The following PTPRN2 variants were observed in gnomAD, a reference collection of about 807,000 sequenced individuals.
The protein encoded by PTPRN2 is protein tyrosine phosphatase receptor type N2, also known as receptor-type tyrosine-protein phosphatase N2.
In PTPRN2, 74 loss-of-function variants were observed where a neutral mutation model predicts 118.8. The ratio of observed to expected loss-of-function variants is 0.62; its 90% CI spans 0.52 to 0.76. PTPRN2 has a LOEUF of 0.76. Among genes scored for constraint, PTPRN2 ranks in the 30% least tolerant of loss-of-function variants. The pLI is 0.00. For missense variants in PTPRN2, 1,481 were observed against 1,394.4 expected (o/e 1.06, Z -0.99); for synonymous variants, 641 against 608.0 (o/e 1.05, Z -0.80).
At chr7:158,377,580 G>A (rs999663521) in intron 2 of PTPRN2, among the ~76,000 whole-genome samples, 2 of 152,154 alleles carry the variant, frequency 1.3e-5, no homozygotes, top group Non-Finnish European at 2.9e-5. Context: ...TCGGCTTGGG[G>A]GTGGAAATGC....
chr7:157,976,224 ATCTT>A (rs1473102775), intron 11 of PTPRN2, among the ~76,000 whole-genome samples: 1 of 152,198 alleles, frequency 6.6e-6, no homozygotes, highest in Non-Finnish European at 1.5e-5. Flanking sequence ...TCAAGCTCTG[ATCTT>A]TCTTCTCTGA....
At chr7:158,332,560 T>A (rs1269154802) in intron 2 of PTPRN2, among the ~76,000 whole-genome samples, 2 of 151,442 alleles carry the variant, frequency 1.3e-5, no homozygotes, top group Non-Finnish European at 2.9e-5. Flanking sequence ...CCATAAGAGG[T>A]GACACCTGCA....
At chr7:158,067,933 C>A (rs1305043080) in intron 11 of PTPRN2, among the ~76,000 whole-genome samples, 1 of 152,138 alleles carries the variant, frequency 6.6e-6, no homozygotes, top group Non-Finnish European at 1.5e-5. Context: ...GGTGAGGCGG[C>A]AGGGTCGGGG....
At chr7:157,983,975 C>G (rs1014720007) in intron 11 of PTPRN2, among the ~76,000 whole-genome samples, 6 of 152,098 alleles carry the variant, frequency 3.9e-5, no homozygotes, top group Non-Finnish European at 1.5e-5. Context: ...GGAGCCGGCT[C>G]ACCCAGCGCC....
At position 157,737,784 on chromosome 7, in the gene PTPRN2, C is replaced by T. The variant is rs565942101; in HGVS notation, c.1789-54847G>A. On this transcript the variant is annotated intron_variant, in intron 12 of 22. Coordinates refer to ENST00000389418, the MANE Select transcript of PTPRN2 (RefSeq NM_002847.5). ...GCGCCAGCCACCAAGGCCACAAGGC[C>T]GGCTTAGAAGGTCTGGAAGAGCCTG... Among the ~76,000 whole-genome samples, 48 of 152,360 alleles carry T rather than the reference C, an allele frequency of 3.2e-4. 2 individuals are homozygous for T. Among genetic ancestry groups the T allele is most frequent in the African/African-American group, 7.9e-4 (33 of 41,596 alleles).
At position 157,801,394 on chromosome 7, in the gene PTPRN2, G is replaced by T. The variant is rs1805291903; in HGVS notation, c.1788+97279C>A. Among the ~76,000 whole-genome samples the T allele has an allele frequency of 6.6e-6, 1 of 152,146 alleles. No individual in the cohort carries two copies. Among genetic ancestry groups the T allele is most frequent in the African/African-American group, 2.4e-5 (1 of 41,406 alleles). On this transcript the variant is annotated intron_variant, in intron 12 of 22. Coordinates refer to ENST00000389418, the MANE Select transcript of PTPRN2 (RefSeq NM_002847.5). This position sits in a 1 kb window ranked among gnomAD's most constrained non-coding sequence, Gnocchi z 4.2. ...AGCTGTCGAGGTTTATTTATTCACG[G>T]AGAGGCTCTGCATCACGAGAGTGCT... is the stretch of plus-strand genomic sequence containing the variant.
rs895015989 is a variant in PTPRN2, at chr7:157,779,439, G to T, written c.1789-96502C>A. Among the ~76,000 whole-genome samples the T allele has an allele frequency of 1.3e-5, 2 of 152,110 alleles. No individual in the cohort carries two copies. The highest frequency in any genetic ancestry group is 4.8e-5 in the African/African-American group (2 of 41,432). On this transcript the variant is annotated intron_variant, in intron 12 of 22. Coordinates refer to ENST00000389418, the MANE Select transcript of PTPRN2 (RefSeq NM_002847.5). The surrounding 1 kb of genome is among the most constrained non-coding windows in gnomAD (Gnocchi z 4.7). ...AGGCTGCCAGAATGACCGCCCACCC[G>T]CTGCCCCTCACCACACACTGCTGCA...
At position 158,058,129 on chromosome 7, in the gene PTPRN2, T is replaced by C. The variant is rs114737395; in HGVS notation, c.1723+23169A>G. On this transcript the variant is annotated intron_variant, in intron 11 of 22. Coordinates refer to ENST00000389418, the MANE Select transcript of PTPRN2 (RefSeq NM_002847.5). ...ACTGCAGTAGAATCACTACACTCCA[T>C]CTGCGCACGGTGACGCATCACTGCA... 7.8e-3 allele frequency among the ~76,000 whole-genome samples: 1,189 copies of C among 152,296 alleles called. 12 individuals are homozygous for C. The highest frequency in any genetic ancestry group is 0.027 in the African/African-American group (1,134 of 41,528).
chr7:158,447,895 C>A (rs1327779089), intron 2 of PTPRN2, among the ~76,000 whole-genome samples: 1 of 152,258 alleles, frequency 6.6e-6, no homozygotes, highest in Non-Finnish European at 1.5e-5. Context: ...CGGTCTTGCC[C>A]CACCCCGGCT....
intron 10 of PTPRN2, among the ~76,000 whole-genome samples, chr7:158,085,367 C>T (rs1457982972): frequency 1.7e-5 from 2 of 115,126 alleles, no homozygotes; most frequent in East Asian, 3.0e-4. Context: ...ACACCCACGA[C>T]GCCCATCCAC....
intron 21 of PTPRN2, among the ~76,000 whole-genome samples, chr7:157,559,728 G>A (rs1019771726): frequency 3.3e-5 from 5 of 152,164 alleles, no homozygotes; most frequent in Admixed American, 2.6e-4. Context: ...ATCCCCTCCC[G>A]AATTTCCAAA....
At chr7:157,718,625 C>A (rs1161107116) in intron 12 of PTPRN2, among the ~76,000 whole-genome samples, 6 of 151,980 alleles carry the variant, frequency 3.9e-5, no homozygotes, top group East Asian at 1.9e-4. Flanking sequence ...TGCAGCCTCT[C>A]TCGGTGGCCC....
In PTPRN2 at chr7:157,540,606, GC is replaced by G. The variant is rs752769290; in HGVS notation, c.*107del. ...TGCGCTGACTACGGGAGAGCTAAGG[GC>G]CCTATTACTATGCAGTTATAATAGA... On this transcript the variant is annotated 3_prime_UTR_variant, in exon 23 of 23. Transcript: ENST00000389418. 3.5e-6 allele frequency: 3 copies of G among 867,936 alleles called. No homozygotes were observed. The highest frequency in any genetic ancestry group is 5.3e-6 in the Non-Finnish European group (3 of 563,640). The allele number at this position is 867,936 out of a possible 1,614,324, so 53.8% of individuals were successfully genotyped here.
intron 1 of PTPRN2, among the ~76,000 whole-genome samples, chr7:158,498,101 C>T (rs1394074607): frequency 1.3e-5 from 2 of 152,254 alleles, no homozygotes; most frequent in Admixed American, 1.3e-4. Context: ...GTCCTCCTCA[C>T]GTCTTTGGCT....
At chr7:157,657,933 C>G (rs1563313947) in intron 13 of PTPRN2, among the ~76,000 whole-genome samples, 1 of 139,894 alleles carries the variant, frequency 7.1e-6, no homozygotes, top group African/African-American at 2.6e-5. Flanking sequence ...CGCAGACACA[C>G]CACACACACA....
intron 3 of PTPRN2, among the ~76,000 whole-genome samples, chr7:158,248,521 C>G (rs560639812): frequency 7.0e-6 from 1 of 143,504 alleles, no homozygotes; most frequent in Admixed American, 7.0e-5. Flanking sequence ...AAACAAAACA[C>G]TCCCACACAC....
chr7:157,897,182 G>C (rs1797176178), intron 12 of PTPRN2, among the ~76,000 whole-genome samples: 1 of 152,140 alleles, frequency 6.6e-6, no homozygotes, highest in African/African-American at 2.4e-5. Flanking sequence ...CACCCCACGT[G>C]ATGAGCTCGG....
chr7:157,818,767 C>T lies in PTPRN2; in HGVS notation c.1788+79906G>A, dbSNP rs188256577. On this transcript the variant is annotated intron_variant, in intron 12 of 22. Transcript: ENST00000389418. ...TGTTAATTTTAGAGAAAATGTAAAA[C>T]ATAAATGCTTTTGTGATTAATTAAT... is the stretch of plus-strand genomic sequence containing the variant. Among the ~76,000 whole-genome samples, 3 of 152,272 alleles carry T rather than the reference C, an allele frequency of 2.0e-5. No homozygotes were observed. The East Asian group carries it at 5.8e-4, about 29-fold the overall frequency.
chr7:158,334,814 A>G (rs62480933), intron 2 of PTPRN2, among the ~76,000 whole-genome samples: 1,098 of 7,472 alleles, frequency 0.15, 427 homozygotes, highest in Middle Eastern at 0.5. Context: ...CGTTACTCAC[A>G]CCCACACTCT....
Sources: allele counts gnomAD v4.1 joint callset (sites outside exome capture counted in the v4.1 genomes callset), GRCh38; gene constraint gnomAD v4.1.1; non-coding constraint Gnocchi (gnomAD v3.1); transcripts MANE v1.5; gene names NCBI Gene and HGNC (gene_info 2026-07-23, HGNC 2026-07-21).